The following GRAMD2B variants were observed in gnomAD, a reference collection of about 807,000 sequenced individuals.
GRAMD2B encodes the protein GRAM domain containing 2B.
Under a neutral mutation model 59.2 loss-of-function variants are expected in GRAMD2B, and 41 were observed. The ratio of observed to expected loss-of-function variants is 0.69; its 90% CI spans 0.54 to 0.90. The LOEUF is 0.90. Among genes scored for constraint, GRAMD2B ranks in the 40% least tolerant of loss-of-function variants. The probability of loss-of-function intolerance (pLI) is 0.00; values close to 1 mark genes in which losing one functional copy is unlikely to be tolerated. For missense variants in GRAMD2B, 424 were observed against 500.5 expected, an observed-to-expected ratio of 0.85 and a Z score of 1.46; for synonymous variants, 161 against 182.7, an observed-to-expected ratio of 0.88 and a Z score of 0.96.
At chr5:126,474,731 T>C (rs1472042709) in intron 5 of GRAMD2B, among the ~76,000 whole-genome samples, 2 of 152,220 alleles carry the variant, frequency 1.3e-5, no homozygotes, top group Non-Finnish European at 2.9e-5. Context: ...ACTTTCAAGC[T>C]AATCTGACTC....
chr5:126,433,367 G>A (rs1335438575), intron 1 of GRAMD2B: 27 of 152,154 alleles, frequency 1.8e-4, no homozygotes, highest in Non-Finnish European at 2.9e-5. Flanking sequence ...TAAAATCACT[G>A]ATTATACAAC....
chr5:126,411,423 C>T (rs946592202), intron 1 of GRAMD2B, among the ~76,000 whole-genome samples: 2 of 151,904 alleles, frequency 1.3e-5, no homozygotes, highest in African/African-American at 4.8e-5. Context: ...AGGCATGTGG[C>T]TTGATTTGTG....
At chr5:126,386,743 T>C (rs2149711745) in intron 1 of GRAMD2B, among the ~76,000 whole-genome samples, 1 of 152,292 alleles carries the variant, frequency 6.6e-6, no homozygotes, top group African/African-American at 2.4e-5. Flanking sequence ...TAAATTCCAG[T>C]TTTCTCATTT....
chr5:126,466,321 T>A, intron 2 of GRAMD2B: 2 of 1,428,880 alleles, frequency 1.4e-6, no homozygotes, highest in Non-Finnish European at 1.9e-6. Context: ...AATCTATGCT[T>A]CATTCAGGAC....
At chr5:126,480,303 G>A (rs1202626606) in intron 6 of GRAMD2B, 153 bp from the exon 7 acceptor site, 5 of 574,058 alleles carry the variant, frequency 8.7e-6, no homozygotes, top group Non-Finnish European at 1.5e-5. Context: ...AATAAAAATG[G>A]AATGTTTGAG....
chr5:126,377,414 C>T (rs536972649), intron 1 of GRAMD2B, among the ~76,000 whole-genome samples: 2 of 152,146 alleles, frequency 1.3e-5, no homozygotes, highest in South Asian at 2.1e-4. Flanking sequence ...TGTCCAAGGC[C>T]CTGGGAGGGC....
chr5:126,422,318 TC>T (rs955953791), upstream of GRAMD2B, among the ~76,000 whole-genome samples: 1 of 151,828 alleles, frequency 6.6e-6, no homozygotes, highest in Non-Finnish European at 1.5e-5. Context: ...TGCCTCAGCC[TC>T]CCAAATAGCT....
intron 1 of GRAMD2B, among the ~76,000 whole-genome samples, chr5:126,385,563 T>C (rs1756049382): frequency 1.3e-5 from 2 of 152,248 alleles, no homozygotes; most frequent in Non-Finnish European, 1.5e-5. Flanking sequence ...CCACACACTT[T>C]CATATCTTCA....
At chr5:126,443,257 C>T (rs545573608) in intron 1 of GRAMD2B, among the ~76,000 whole-genome samples, 2 of 152,272 alleles carry the variant, frequency 1.3e-5, no homozygotes, top group South Asian at 4.2e-4. Context: ...ATGCCTAAAT[C>T]GTTCTGACAT....
intron 1 of GRAMD2B, among the ~76,000 whole-genome samples, chr5:126,374,805 C>G (rs1580690069): frequency 6.6e-6 from 1 of 152,262 alleles, no homozygotes; most frequent in East Asian, 1.9e-4. Context: ...ATCTGTAATG[C>G]CAGCTCTGTC....
chr5:126,465,556 C>T lies in GRAMD2B; in HGVS notation c.203+11C>T, dbSNP rs764101124. On this transcript the variant is annotated intron_variant, in intron 2 of 13. Transcript: ENST00000285689. ...AATCATTAGCCTATGGTAAGTCCTC[C>T]GTTGACTCTCTTTGTTCTCTTTTGT... 26 of 1,610,472 alleles carry T rather than the reference C, an allele frequency of 1.6e-5. No individual in the cohort carries two copies. The Admixed American group carries it at 2.5e-4, about 16-fold the overall frequency.
chr5:126,389,048 C>T (rs1471829151), intron 1 of GRAMD2B, among the ~76,000 whole-genome samples: 1 of 152,154 alleles, frequency 6.6e-6, no homozygotes, highest in East Asian at 1.9e-4. Flanking sequence ...ACTTTACTAA[C>T]AATAATTCTT....
At chr5:126,485,830 A>G in intron 11 of GRAMD2B, 57 bp downstream of exon 11, 1 of 1,076,982 alleles carries the variant, frequency 9.3e-7, no homozygotes, top group East Asian at 2.4e-5. Context: ...CGCTAAAGGA[A>G]TAATCTCTTC....
intron 1 of GRAMD2B, among the ~76,000 whole-genome samples, chr5:126,378,297 G>A (rs531282814): frequency 2.0e-5 from 3 of 152,212 alleles, no homozygotes; most frequent in African/African-American, 7.2e-5. Flanking sequence ...CATATGAAGA[G>A]ATCAATGAGT....
At position 126,460,108 on chromosome 5, in the gene GRAMD2B, C is replaced by A. The variant is rs1280477829; in HGVS notation, c.84-5318C>A. 1.2e-4 allele frequency among the ~76,000 whole-genome samples: 18 copies of A among 152,148 alleles called. No individual in the cohort carries two copies. The South Asian group carries it at 3.7e-3, about 32-fold the overall frequency. ...AAAGTATGAGGAAGATCTATGGGTA[C>A]TGAAAGAACACCAAGATAAAATAAG... On this transcript the variant is annotated intron_variant, in intron 1 of 13. Transcript: ENST00000285689.
chr5:126,399,651 A>T (rs1210165244), intron 1 of GRAMD2B, among the ~76,000 whole-genome samples: 4 of 152,198 alleles, frequency 2.6e-5, no homozygotes, highest in African/African-American at 9.6e-5. Context: ...GCAGTTCTTT[A>T]TAGCAGTGTG....
intron 1 of GRAMD2B, among the ~76,000 whole-genome samples, chr5:126,361,018 G>A (rs911710544): frequency 6.6e-6 from 1 of 151,998 alleles, no homozygotes; most frequent in Non-Finnish European, 1.5e-5. Flanking sequence ...TTAGCTTTTT[G>A]GTTTTTTAGG....
chr5:126,384,643 G>A (rs1410134131), intron 1 of GRAMD2B, among the ~76,000 whole-genome samples: 1 of 152,226 alleles, frequency 6.6e-6, no homozygotes, highest in Non-Finnish European at 1.5e-5. Context: ...GGCCTCTTAA[G>A]GAGAATTATC....
intron 1 of GRAMD2B, among the ~76,000 whole-genome samples, chr5:126,406,248 T>C (rs1039888873): frequency 4.1e-4 from 63 of 152,114 alleles, no homozygotes; most frequent in African/African-American, 1.5e-3. Context: ...TGGATATACC[T>C]AATGTTAAAT....
Sources: allele counts gnomAD v4.1 joint callset (sites outside exome capture counted in the v4.1 genomes callset), GRCh38; gene constraint gnomAD v4.1.1; transcripts MANE v1.5; gene names NCBI Gene and HGNC (gene_info 2026-07-23, HGNC 2026-07-21).